BMPER: variants seen among roughly 807,000 people sequenced by gnomAD.
BMPER encodes BMP binding endothelial regulator, also known as BMP-binding endothelial regulator protein.
In BMPER, 45 loss-of-function variants were observed where a neutral mutation model predicts 87.3. That is an observed-to-expected ratio of 0.52 (90% confidence interval 0.41 to 0.66). The LOEUF (loss-of-function observed/expected upper bound fraction) is 0.66. Ranked by LOEUF, BMPER falls within the 30% of genes least tolerant of loss-of-function variation. The pLI is 0.00. For synonymous variants in BMPER, 326 were observed against 316.2 expected, an observed-to-expected ratio of 1.03 and a Z score of -0.33; for missense variants, 784 against 867.5, an observed-to-expected ratio of 0.90 and a Z score of 1.21.
intron 3 of BMPER, among the ~76,000 whole-genome samples, chr7:33,945,243 CTTTTTTTT>C (rs376447828): frequency 1.1e-3 from 94 of 81,762 alleles, no homozygotes; most frequent in African/African-American, 4.3e-3. Flanking sequence ...GCCTGGACTT[CTTTTTTTT>C]TTTTTTTTTT....
intron 2 of BMPER, among the ~76,000 whole-genome samples, chr7:33,930,256 T>C (rs1784450788): frequency 1.3e-5 from 2 of 152,228 alleles, no homozygotes; most frequent in African/African-American, 4.8e-5. Flanking sequence ...GCCTTGGACT[T>C]GTACACTTAG....
chr7:34,120,203 CAT>C (rs1790226668), intron 13 of BMPER, among the ~76,000 whole-genome samples: 1 of 152,136 alleles, frequency 6.6e-6, no homozygotes, highest in African/African-American at 2.4e-5. Context: ...ATTTAATAGA[CAT>C]ATTTAAAACC....
At chr7:33,919,135 T>G (rs542074378) in intron 2 of BMPER, among the ~76,000 whole-genome samples, 2 of 152,308 alleles carry the variant, frequency 1.3e-5, no homozygotes, top group African/African-American at 4.8e-5. Flanking sequence ...CAAAAAAAAT[T>G]TTCTTAAATT....
chr7:34,028,831 T>C (rs1787448531), intron 6 of BMPER, among the ~76,000 whole-genome samples: 1 of 151,764 alleles, frequency 6.6e-6, no homozygotes, highest in Non-Finnish European at 1.5e-5. Flanking sequence ...GTGTCTTTTC[T>C]ATCTGGCCAA....
intron 6 of BMPER, among the ~76,000 whole-genome samples, chr7:34,016,107 T>G (rs982438994): frequency 3.3e-5 from 5 of 151,774 alleles, no homozygotes; most frequent in African/African-American, 1.2e-4. Flanking sequence ...CTATCCCCAA[T>G]CCTATGTATT....
In BMPER at chr7:34,085,893, A is replaced by C; in HGVS notation, c.1546A>C (p.Lys516Gln). The C allele has an allele frequency of 6.2e-7, 1 of 1,614,148 alleles. No homozygotes were observed. The highest frequency in any genetic ancestry group is 8.5e-7 in the Non-Finnish European group (1 of 1,180,024). Reference sequence around the variant, plus strand: ...CTTAATTGGTGGAGATGGAAACTTCAAGTTTGATGTGGATGACTTTGCTGA... The same window carrying C: ...CTTAATTGGTGGAGATGGAAACTTCCAGTTTGATGTGGATGACTTTGCTGA... ...DDLIGGDGNF[K>Q]FDVDDFAESW... is the part of the protein sequence containing the mutation. Residue 516 changes from lysine to glutamine, a missense_variant, in exon 13 of 15, where the codon AAG becomes CAG. Transcript: ENST00000649409.
intron 3 of BMPER, among the ~76,000 whole-genome samples, chr7:33,942,102 A>G (rs981757720): frequency 2.0e-5 from 3 of 152,024 alleles, no homozygotes; most frequent in Non-Finnish European, 4.4e-5. Flanking sequence ...TGGATGACCA[A>G]TAGTGAAAGC....
intron 13 of BMPER, among the ~76,000 whole-genome samples, chr7:34,087,236 T>A (rs1789240306): frequency 6.6e-6 from 1 of 152,184 alleles, no homozygotes; most frequent in Admixed American, 6.5e-5. Flanking sequence ...CTGTTATAAC[T>A]TGAATTCTCT....
At chr7:34,060,732 T>A (rs1234904236) in intron 10 of BMPER, among the ~76,000 whole-genome samples, 1 of 152,204 alleles carries the variant, frequency 6.6e-6, no homozygotes, top group Non-Finnish European at 1.5e-5. Flanking sequence ...CATGTGGCTT[T>A]GACATGAGCC....
chr7:34,025,065 A>C (rs755480669), intron 6 of BMPER, among the ~76,000 whole-genome samples: 1 of 152,122 alleles, frequency 6.6e-6, no homozygotes, highest in Non-Finnish European at 1.5e-5. Context: ...TTTAATGAAT[A>C]AATAAAAGGA....
chr7:33,913,049 A>AT (rs2128602102), intron 2 of BMPER, among the ~76,000 whole-genome samples: 1 of 152,330 alleles, frequency 6.6e-6, no homozygotes, highest in African/African-American at 2.4e-5. Flanking sequence ...ACGAACACAT[A>AT]TATAAATAAG....
chr7:34,058,718 A>G lies in BMPER; in HGVS notation c.1032+555A>G, dbSNP rs941944734. On this transcript the variant is annotated intron_variant, in intron 10 of 14. Coordinates refer to ENST00000649409, the MANE Select transcript of BMPER (RefSeq NM_001365308.1). ...TTTCAAAAACTCATAGCTCCAGCAC[A>G]CTGAATAAAGCAACCATTATCTTCT... is the stretch of plus-strand genomic sequence containing the variant. Among the ~76,000 whole-genome samples the G allele has an allele frequency of 2.6e-5, 4 of 152,240 alleles. No individual in the cohort carries two copies. In the East Asian group the frequency reaches 7.7e-4, roughly 29 times the overall value.
intron 6 of BMPER, among the ~76,000 whole-genome samples, chr7:33,989,468 T>C (rs911972086): frequency 6.6e-5 from 10 of 152,162 alleles, no homozygotes; most frequent in South Asian, 6.2e-4. Context: ...GGGTTGTTTG[T>C]TTTTTCTTGT....
chr7:34,013,298 C>A (rs1372435390), intron 6 of BMPER, among the ~76,000 whole-genome samples: 2 of 151,650 alleles, frequency 1.3e-5, no homozygotes, highest in African/African-American at 4.8e-5. Flanking sequence ...TCCTGTCCCC[C>A]ACTCACTGAG....
intron 13 of BMPER, among the ~76,000 whole-genome samples, chr7:34,128,512 C>T (rs974435054): frequency 2.0e-5 from 3 of 152,042 alleles, no homozygotes; most frequent in East Asian, 1.9e-4. Flanking sequence ...ATAATGTTTG[C>T]GCTTAGGTGG....
intron 8 of BMPER, among the ~76,000 whole-genome samples, chr7:34,052,879 C>A (rs934807214): frequency 1.3e-5 from 2 of 152,162 alleles, no homozygotes; most frequent in African/African-American, 4.8e-5. Context: ...TGGAGTAATT[C>A]CTAAGCCTGA....
At chr7:34,066,674 C>T (rs6974501) in intron 11 of BMPER, among the ~76,000 whole-genome samples, 17,115 of 152,164 alleles carry the variant, frequency 0.11, 1,797 homozygotes, top group African/African-American at 0.28. Context: ...TGGCAAATAG[C>T]AGGTGGAATC....
At chr7:34,011,615 GAAAGAA>G (rs1412277438) in intron 6 of BMPER, among the ~76,000 whole-genome samples, 2 of 120,486 alleles carry the variant, frequency 1.7e-5, no homozygotes, top group African/African-American at 3.1e-5. Context: ...GAAAAAAAAA[GAAAGAA>G]AAAAGAAACA....
chr7:34,001,167 G>A (rs1033447919), intron 6 of BMPER, among the ~76,000 whole-genome samples: 3 of 151,502 alleles, frequency 2.0e-5, no homozygotes, highest in African/African-American at 7.3e-5. Context: ...TTTTGTATCA[G>A]GTTAATAAAG....
Sources: gnomAD v4.1 joint callset for allele counts (sites outside exome capture counted in the v4.1 genomes callset) on GRCh38, gnomAD v4.1.1 for gene constraint, MANE v1.5 for transcripts, NCBI Gene and HGNC (gene_info 2026-07-23, HGNC 2026-07-21) for gene names.